The following SNX9 variants were observed in gnomAD, a reference collection of about 807,000 sequenced individuals.
SNX9 encodes sorting nexin-9.
A neutral mutation model predicts 89.4 loss-of-function variants in SNX9; 44 were observed. That is an observed-to-expected ratio of 0.49 (90% CI 0.39 to 0.63). The LOEUF (loss-of-function observed/expected upper bound fraction) is 0.63, where lower values mean the gene tolerates loss of function less well. SNX9 is among the 30% of genes least tolerant of loss of function. The pLI, the probability that SNX9 is intolerant of heterozygous loss-of-function variation, is 0.00. For missense variants in SNX9, 578 were observed against 736.1 expected, an observed-to-expected ratio of 0.79 and a Z score of 2.49; for synonymous variants, 236 against 247.8, an observed-to-expected ratio of 0.95 and a Z score of 0.45.
At chr6:157,894,106 CTTTTTT>C (rs746909411) in intron 4 of SNX9, among the ~76,000 whole-genome samples, 1 of 89,564 alleles carries the variant, frequency 1.1e-5, no homozygotes, top group African/African-American at 4.6e-5. Flanking sequence ...CTTTTCTTTT[CTTTTTT>C]TTTTTTTTTT....
chr6:157,866,864 G>T (rs1469124898), intron 1 of SNX9, among the ~76,000 whole-genome samples: 1 of 152,180 alleles, frequency 6.6e-6, no homozygotes, highest in African/African-American at 2.4e-5. Context: ...AGTGTTCCCA[G>T]AATGAACAGT....
In SNX9 at chr6:157,928,354, T is replaced by A. The variant is rs146371697; in HGVS notation, c.1185-245T>A. 2.1e-4 allele frequency among the ~76,000 whole-genome samples: 32 copies of A among 152,354 alleles called. 1 individual carries two copies. The highest frequency in any genetic ancestry group is 2.1e-3 in the Admixed American group (32 of 15,312). On this transcript the variant is annotated intron_variant, in intron 11 of 17. Transcript: ENST00000392185. Reference sequence around the variant, plus strand: ...CAAGAAATTATTATTTTATTTACTTTAGAATAATTTTAAAATTCACAAAGA... The same window carrying A: ...CAAGAAATTATTATTTTATTTACTTAAGAATAATTTTAAAATTCACAAAGA...
At chr6:157,890,319 G>T (rs1583219437) in intron 4 of SNX9, among the ~76,000 whole-genome samples, 1 of 152,188 alleles carries the variant, frequency 6.6e-6, no homozygotes, top group Non-Finnish European at 1.5e-5. Flanking sequence ...CTGCAGTCAG[G>T]TACAAGCCAG....
At chr6:157,901,842 T>G (rs1783103367) in intron 5 of SNX9, 56 bp from the exon 6 acceptor site, 1 of 1,562,850 alleles carries the variant, frequency 6.4e-7, no homozygotes, top group Non-Finnish European at 8.6e-7. Flanking sequence ...GTAATTTCAT[T>G]TTTATTTTGG....
At chr6:157,896,604 C>T (rs910295376) in intron 4 of SNX9, among the ~76,000 whole-genome samples, 3 of 152,160 alleles carry the variant, frequency 2.0e-5, no homozygotes, top group African/African-American at 7.2e-5. Context: ...TAAGCAAATA[C>T]GGTAAAATGT....
chr6:157,877,583 T>G (rs1246579609), intron 4 of SNX9, among the ~76,000 whole-genome samples: 1 of 152,220 alleles, frequency 6.6e-6, no homozygotes, highest in Non-Finnish European at 1.5e-5. Flanking sequence ...CCTATCAGGT[T>G]TGCCCATTGC....
At position 157,944,945 on chromosome 6, in the gene SNX9, T is replaced by C. The variant is rs1784112406; in HGVS notation, c.*2107T>C. 1 of 152,238 alleles carries C rather than the reference T, an allele frequency of 6.6e-6. No homozygotes were observed. Among genetic ancestry groups the C allele is most frequent in the African/African-American group, 2.4e-5 (1 of 41,448 alleles). The allele number at this position is 152,238 out of a possible 1,614,324, so 9.4% of individuals were successfully genotyped here. A position where few individuals can be genotyped will look rare whatever the true frequency, so the allele number is the denominator to read the frequency against. Reference sequence around the variant, plus strand: ...AGTGGCAACATGGCATATATATCCTTCTCCGGGGAGTCACATGCACCATTT... The same window carrying C: ...AGTGGCAACATGGCATATATATCCTCCTCCGGGGAGTCACATGCACCATTT... On this transcript the variant is annotated 3_prime_UTR_variant, in exon 18 of 18. Coordinates refer to ENST00000392185, the MANE Select transcript of SNX9 (RefSeq NM_016224.5).
intron 1 of SNX9, among the ~76,000 whole-genome samples, chr6:157,857,309 C>T (rs1381790009): frequency 6.6e-6 from 1 of 152,108 alleles, no homozygotes; most frequent in Non-Finnish European, 1.5e-5. Context: ...AAAGATGTTC[C>T]AGGCCCATCT....
At chr6:157,893,367 GT>G (rs1330820971) in intron 4 of SNX9, among the ~76,000 whole-genome samples, 1 of 152,170 alleles carries the variant, frequency 6.6e-6, no homozygotes, top group African/African-American at 2.4e-5. Context: ...AGTAACTTCA[GT>G]TTTTTCCTTA....
rs753267959 is a variant in SNX9, at chr6:157,944,707, A to G, written c.*1869A>G. ...GCGGTCCGGGAAGCGTATCATAACC[A>G]CCTGGGAGTTGCCAAGAAGCAGACA... On this transcript the variant is annotated 3_prime_UTR_variant, in exon 18 of 18. Transcript: ENST00000392185. 17 of 152,284 alleles carry G rather than the reference A, an allele frequency of 1.1e-4. No individual in the cohort carries two copies. Among genetic ancestry groups the G allele is most frequent in the Non-Finnish European group, 2.1e-4 (14 of 68,034 alleles). The allele number at this position is 152,284 out of a possible 1,614,324, so 9.4% of individuals were successfully genotyped here.
intron 4 of SNX9, among the ~76,000 whole-genome samples, chr6:157,887,403 G>A (rs186201544): frequency 3.9e-5 from 6 of 152,254 alleles, no homozygotes; most frequent in East Asian, 1.9e-4. Context: ...GACCCCTCAC[G>A]TGATGGGCTG....
intron 1 of SNX9, among the ~76,000 whole-genome samples, chr6:157,824,972 G>A (rs952094396): frequency 2.6e-5 from 4 of 152,176 alleles, no homozygotes; most frequent in African/African-American, 9.7e-5. Context: ...GGCCGGGCGC[G>A]GTGGCTCACT....
At chr6:157,886,027 C>T (rs910917009) in intron 4 of SNX9, among the ~76,000 whole-genome samples, 1 of 152,144 alleles carries the variant, frequency 6.6e-6, no homozygotes, top group Non-Finnish European at 1.5e-5. Flanking sequence ...GATGTAGTTA[C>T]GATGGAGACA....
At position 157,921,516 on chromosome 6, in the gene SNX9, G is replaced by A; in HGVS notation, c.950-15G>A. 1 of 1,610,868 alleles carries A rather than the reference G, an allele frequency of 6.2e-7. No homozygotes were observed. The highest frequency in any genetic ancestry group is 1.3e-5 in the African/African-American group (1 of 74,846). ...TAGACAAAGTTGTATGTCATTCTTGGTGTGTCGCTTGCAGGCCGCTTTGAA... is the reference window on the plus strand; with the variant it reads ...TAGACAAAGTTGTATGTCATTCTTGATGTGTCGCTTGCAGGCCGCTTTGAA... On this transcript the variant is annotated splice_polypyrimidine_tract_variant and intron_variant, in intron 9 of 17. Coordinates refer to ENST00000392185, the MANE Select transcript of SNX9 (RefSeq NM_016224.5).
At position 157,921,629 on chromosome 6, in the gene SNX9, T is replaced by C. The variant is rs376227112; in HGVS notation, c.1048T>C (p.Phe350Leu). The change falls in exon 10 of 18, where the codon TTC (phenylalanine) becomes CTC (leucine). Residue 350 changes from phenylalanine (F) to leucine (L), a missense_variant. By Grantham distance (22) the Phe-to-Leu change is conservative (BLOSUM62 0). Coordinates refer to ENST00000392185, the MANE Select transcript of SNX9 (RefSeq NM_016224.5). ...RHPVISESEV[F>L]QQFLNFRDEK... ...TCCAGTAATCTCAGAAAGTGAAGTT[T>C]TCCAGCAGTTCCTAAATTTCCGAGA... 6.2e-6 allele frequency: 10 copies of C among 1,614,000 alleles called. No individual in the cohort carries two copies. The highest frequency in any genetic ancestry group is 7.6e-6 in the Non-Finnish European group (9 of 1,179,960).
intron 9 of SNX9, among the ~76,000 whole-genome samples, chr6:157,915,657 A>ATATATATATG (rs1783451231): frequency 7.8e-6 from 1 of 128,660 alleles, no homozygotes; most frequent in African/African-American, 3.0e-5. Context: ...ATATATATAT[A>ATATATATATG]CACACACACA....
At chr6:157,838,337 A>G (rs1479942455) in intron 1 of SNX9, among the ~76,000 whole-genome samples, 1 of 151,880 alleles carries the variant, frequency 6.6e-6, no homozygotes, top group African/African-American at 2.4e-5. Context: ...TTTTTATTCA[A>G]CAGTCTCTCT....
chr6:157,865,866 GT>G (rs1213263091), intron 1 of SNX9, among the ~76,000 whole-genome samples: 1 of 152,154 alleles, frequency 6.6e-6, no homozygotes, highest in African/African-American at 2.4e-5. Context: ...TATGGTGGGT[GT>G]TCAGTAAATA....
At chr6:157,865,614 GA>G (rs1335815122) in intron 1 of SNX9, among the ~76,000 whole-genome samples, 1 of 152,246 alleles carries the variant, frequency 6.6e-6, no homozygotes, top group Non-Finnish European at 1.5e-5. Flanking sequence ...CAGACATGGA[GA>G]AAGGTTGGAA....
Sources: allele counts gnomAD v4.1 joint callset (sites outside exome capture counted in the v4.1 genomes callset), GRCh38; gene constraint gnomAD v4.1.1; transcripts MANE v1.5; gene names NCBI Gene and HGNC (gene_info 2026-07-23, HGNC 2026-07-21).